The following TTLL11 variants were observed in gnomAD, a reference collection of about 807,000 sequenced individuals.
The protein encoded by TTLL11 is tubulin tyrosine ligase like 11.
Under a neutral mutation model 51.7 loss-of-function variants are expected in TTLL11, and 42 were observed. The observed-to-expected ratio is 0.81, with a 90% CI of 0.64 to 1.05. TTLL11 has a LOEUF of 1.05. TTLL11 is among the 50% of genes least tolerant of loss of function. TTLL11 has a pLI of 0.00. For synonymous variants in TTLL11, 381 were observed against 383.5 expected (o/e 0.99, Z 0.08); for missense variants, 799 against 940.4 (o/e 0.85, Z 1.97).
chr9:121,988,905 T>G, intron 4 of TTLL11: 1 of 567,100 alleles, frequency 1.8e-6, no homozygotes, highest in South Asian at 3.7e-5. Flanking sequence ...AATGTAAAAC[T>G]CTGCTTTACA....
chr9:121,937,558 T>C (rs1365106957), intron 6 of TTLL11, among the ~76,000 whole-genome samples: 2 of 150,592 alleles, frequency 1.3e-5, no homozygotes, highest in Non-Finnish European at 3.0e-5. Flanking sequence ...AGTCTAGAGA[T>C]TCCCCTATTC....
chr9:122,037,447 T>C (rs1015341500), intron 2 of TTLL11, among the ~76,000 whole-genome samples: 1 of 152,150 alleles, frequency 6.6e-6, no homozygotes, highest in African/African-American at 2.4e-5. Context: ...ACAATGAAGG[T>C]AGAATGTTAG....
chr9:121,830,430 A>G (rs758004723), intron 8 of TTLL11, among the ~76,000 whole-genome samples: 17 of 152,198 alleles, frequency 1.1e-4, no homozygotes, highest in Non-Finnish European at 2.2e-4. Context: ...CCCACTGCAC[A>G]GTCCAGTCTG....
chr9:121,897,488 C>T (rs1047718441), intron 6 of TTLL11, among the ~76,000 whole-genome samples: 1 of 152,108 alleles, frequency 6.6e-6, no homozygotes, highest in African/African-American at 2.4e-5. Flanking sequence ...ATCATCTCTG[C>T]GATGACTCCA....
chr9:121,999,306 T>C (rs995675761), intron 3 of TTLL11, among the ~76,000 whole-genome samples: 5 of 152,336 alleles, frequency 3.3e-5, no homozygotes, highest in East Asian at 1.9e-4. Flanking sequence ...CTCTGGAGCG[T>C]ACCTCTCTTG....
rs146550091 is a variant in TTLL11, at chr9:121,965,509, C to T, written c.1481+8500G>A. On this transcript the variant is annotated intron_variant, in intron 6 of 8. Transcript: ENST00000321582. Reference sequence around the variant, plus strand: ...ACTGCCCCCATGATCCAATCCCCTCCCACCAGGTCTTGTGGGGATTACAAT... The same window carrying T: ...ACTGCCCCCATGATCCAATCCCCTCTCACCAGGTCTTGTGGGGATTACAAT... Among the ~76,000 whole-genome samples, 537 of 152,294 alleles carry T rather than the reference C, an allele frequency of 3.5e-3. 11 individuals carry two copies. The highest frequency in any genetic ancestry group is 0.031 in the Admixed American group (478 of 15,298).
At chr9:121,907,539 A>G (rs1222467942) in intron 6 of TTLL11, among the ~76,000 whole-genome samples, 1 of 152,210 alleles carries the variant, frequency 6.6e-6, no homozygotes, top group African/African-American at 2.4e-5. Context: ...TCCAGATAGG[A>G]TAAGAGATAG....
intron 8 of TTLL11, among the ~76,000 whole-genome samples, chr9:121,856,466 G>A (rs1245023994): frequency 6.6e-6 from 1 of 152,200 alleles, no homozygotes; most frequent in East Asian, 1.9e-4. Context: ...TTATCTCACA[G>A]GATGGTGTGA....
intron 6 of TTLL11, among the ~76,000 whole-genome samples, chr9:121,882,727 C>T (rs987227265): frequency 6.6e-5 from 10 of 152,136 alleles, no homozygotes; most frequent in African/African-American, 1.2e-4. Flanking sequence ...CACCCCTTCA[C>T]GACAGCCAAG....
chr9:121,826,778 G>A lies in TTLL11; in HGVS notation c.1841-3899C>T, dbSNP rs1051793081. On this transcript the variant is annotated intron_variant, in intron 8 of 8. Coordinates refer to ENST00000321582, the MANE Select transcript of TTLL11 (RefSeq NM_001139442.2). ...GAAGGATCTAGGGGTTGGGGGCATC[G>A]GTGGAGGCTTTTGGCAAAGTGGGCA... is the stretch of plus-strand genomic sequence containing the variant. Among the ~76,000 whole-genome samples the A allele has an allele frequency of 9.9e-5, 15 of 151,864 alleles. No individual in the cohort carries two copies. In the South Asian group the frequency reaches 3.1e-3, roughly 32 times the overall value.
intron 6 of TTLL11, among the ~76,000 whole-genome samples, chr9:121,929,854 G>A (rs536907201): frequency 1.3e-5 from 2 of 152,324 alleles, no homozygotes; most frequent in Admixed American, 1.3e-4. Flanking sequence ...GTGAGTGACA[G>A]TTCCTCTTAG....
intron 6 of TTLL11, among the ~76,000 whole-genome samples, chr9:121,911,005 A>G (rs1256407978): frequency 6.6e-6 from 1 of 152,194 alleles, no homozygotes; most frequent in Non-Finnish European, 1.5e-5. Flanking sequence ...TAATTGGTAT[A>G]TGACTCTTTT....
chr9:122,008,772 T>C (rs1843722454), intron 3 of TTLL11, among the ~76,000 whole-genome samples: 1 of 152,254 alleles, frequency 6.6e-6, no homozygotes, highest in Non-Finnish European at 1.5e-5. Flanking sequence ...TGATTTGCGA[T>C]AGCCAAGATA....
intron 1 of TTLL11, among the ~76,000 whole-genome samples, chr9:122,050,109 C>T (rs1333854372): frequency 6.6e-6 from 1 of 152,172 alleles, no homozygotes; most frequent in South Asian, 2.1e-4. Flanking sequence ...AGTGACTTTG[C>T]TTCCGCAGCT....
intron 6 of TTLL11, among the ~76,000 whole-genome samples, chr9:121,952,168 C>T (rs186122246): frequency 3.9e-5 from 6 of 152,190 alleles, no homozygotes; most frequent in South Asian, 2.1e-4. Context: ...GGACTAGGGC[C>T]GGGCGCAGTG....
In TTLL11 at chr9:121,822,710, G is replaced by A; in HGVS notation, c.2010C>T (p.Gly670=). 2 of 1,550,030 alleles carry A rather than the reference G, an allele frequency of 1.3e-6. No individual in the cohort carries two copies. Among genetic ancestry groups the A allele is most frequent in the Non-Finnish European group, 1.7e-6 (2 of 1,146,736 alleles). ...GGGGAGGGCCACGGTGTGGGGGCCG[G>A]CCCCCCGACGGGACGCCCCGGCCAC... ...LVCGRGVPSG[G]RPPHRGPPQE... Residue 670 remains glycine (G), a synonymous_variant, in exon 9 of 9, where the codon GGC becomes GGT. Coordinates refer to ENST00000321582, the MANE Select transcript of TTLL11 (RefSeq NM_001139442.2). The surrounding 1 kb of genome is among the most constrained non-coding windows in gnomAD (Gnocchi z 5.8).
intron 6 of TTLL11, among the ~76,000 whole-genome samples, chr9:121,959,774 T>C (rs1842153852): frequency 6.6e-6 from 1 of 152,046 alleles, no homozygotes; most frequent in South Asian, 2.1e-4. Context: ...AATCTGTCTG[T>C]TGCTTTTAGG....
intron 3 of TTLL11, among the ~76,000 whole-genome samples, chr9:121,998,887 GC>G (rs1459014872): frequency 6.6e-6 from 1 of 152,082 alleles, no homozygotes; most frequent in African/African-American, 2.4e-5. Flanking sequence ...CAGTCCTCCT[GC>G]CCCAGCCTCC....
At chr9:121,944,503 T>A (rs1387958873) in intron 6 of TTLL11, among the ~76,000 whole-genome samples, 1 of 129,940 alleles carries the variant, frequency 7.7e-6, no homozygotes, top group African/African-American at 2.6e-5. Context: ...TGAGACTCCA[T>A]CTCAAAAAAA....
Sources: allele counts gnomAD v4.1 joint callset (sites outside exome capture counted in the v4.1 genomes callset), GRCh38; gene constraint gnomAD v4.1.1; non-coding constraint Gnocchi (gnomAD v3.1); transcripts MANE v1.5; gene names NCBI Gene and HGNC (gene_info 2026-07-23, HGNC 2026-07-21).